Variants in CERS6 observed in about 807,000 individuals in gnomAD.
The protein encoded by CERS6 is ceramide synthase 6, also known as LAG1 homolog, ceramide synthase 6.
In CERS6, 26 loss-of-function variants were observed where a neutral mutation model predicts 56.8. The ratio of observed to expected loss-of-function variants is 0.46; its 90% CI spans 0.34 to 0.63. CERS6 has a LOEUF of 0.63. CERS6 is among the 30% of genes least tolerant of loss of function. CERS6 has a pLI of 0.01. For synonymous variants in CERS6, 164 were observed against 173.3 expected, an observed-to-expected ratio of 0.95 and a Z score of 0.42; for missense variants, 415 against 467.5, an observed-to-expected ratio of 0.89 and a Z score of 1.04.
chr2:168,578,614 T>C (rs1683335200), intron 3 of CERS6, among the ~76,000 whole-genome samples: 1 of 152,140 alleles, frequency 6.6e-6, no homozygotes, highest in African/African-American at 2.4e-5. Context: ...TGTATAAAAA[T>C]AAGAGAGAAA....
intron 4 of CERS6, among the ~76,000 whole-genome samples, chr2:168,651,283 C>T (rs976050330): frequency 6.6e-6 from 1 of 152,096 alleles, no homozygotes; most frequent in African/African-American, 2.4e-5. Context: ...TGTTTAGTCA[C>T]TAAAGAAGGA....
At chr2:168,458,445 G>T (rs545492151) in intron 1 of CERS6, among the ~76,000 whole-genome samples, 1 of 152,290 alleles carries the variant, frequency 6.6e-6, no homozygotes, top group African/African-American at 2.4e-5. Context: ...CCTCTAAAAA[G>T]ATAAACACTA....
At chr2:168,596,724 G>A (rs1683808743) in intron 3 of CERS6, among the ~76,000 whole-genome samples, 2 of 151,826 alleles carry the variant, frequency 1.3e-5, no homozygotes, top group Non-Finnish European at 2.9e-5. Flanking sequence ...CGGCAAATTT[G>A]TTGGTGTTTT....
chr2:168,458,207 T>C (rs1693711224), intron 1 of CERS6, among the ~76,000 whole-genome samples: 1 of 152,212 alleles, frequency 6.6e-6, no homozygotes, highest in African/African-American at 2.4e-5. Context: ...AATTGCTGAA[T>C]TATGATAAAT....
At chr2:168,528,928 G>A (rs1695118102) in intron 1 of CERS6, among the ~76,000 whole-genome samples, 2 of 152,190 alleles carry the variant, frequency 1.3e-5, no homozygotes, top group African/African-American at 4.8e-5. Flanking sequence ...AAACGATTGT[G>A]ACAATGAAAT....
chr2:168,653,291 C>T (rs1685390586), intron 4 of CERS6, among the ~76,000 whole-genome samples: 1 of 152,236 alleles, frequency 6.6e-6, no homozygotes, highest in Non-Finnish European at 1.5e-5. Context: ...GGGCTCTCCA[C>T]AGCTACCATT....
chr2:168,577,273 GAGA>G (rs1683297712), intron 3 of CERS6, among the ~76,000 whole-genome samples: 1 of 152,172 alleles, frequency 6.6e-6, no homozygotes, highest in African/African-American at 2.4e-5. Context: ...AGGAGGCCAA[GAGA>G]AGAAGACATT....
At chr2:168,491,307 A>G (rs1186574953) in intron 1 of CERS6, among the ~76,000 whole-genome samples, 1 of 152,238 alleles carries the variant, frequency 6.6e-6, no homozygotes, top group Non-Finnish European at 1.5e-5. Context: ...CTTTGCGCCC[A>G]TGTTTGGCTG....
At chr2:168,571,284 A>G (rs1001318539) in intron 3 of CERS6, among the ~76,000 whole-genome samples, 4 of 151,860 alleles carry the variant, frequency 2.6e-5, no homozygotes, top group South Asian at 2.1e-4. Flanking sequence ...CCTCCTGGCT[A>G]TTCGCCTTGC....
chr2:168,510,846 A>G (rs546613659), intron 1 of CERS6, among the ~76,000 whole-genome samples: 2 of 152,312 alleles, frequency 1.3e-5, no homozygotes, highest in South Asian at 2.1e-4. Flanking sequence ...TAAAATAAAG[A>G]TAAAATTTTA....
At chr2:168,711,767 C>T (rs1404399103) in intron 6 of CERS6, among the ~76,000 whole-genome samples, 1 of 147,694 alleles carries the variant, frequency 6.8e-6, no homozygotes, top group African/African-American at 2.5e-5. Context: ...TAGGAAATTA[C>T]CCCTACCAAA....
chr2:168,594,250 G>A (rs892816245), intron 3 of CERS6, among the ~76,000 whole-genome samples: 3 of 152,122 alleles, frequency 2.0e-5, no homozygotes. Flanking sequence ...ATTACTTGGT[G>A]CTTCTTTGTC....
At chr2:168,740,823 A>G (rs538208642) in intron 8 of CERS6, among the ~76,000 whole-genome samples, 2 of 152,356 alleles carry the variant, frequency 1.3e-5, no homozygotes, top group African/African-American at 2.4e-5. Context: ...ACTTTAAAAC[A>G]AGGTCTAAAT....
chr2:168,749,607 C>T (rs926838096), intron 8 of CERS6, among the ~76,000 whole-genome samples: 8 of 62,924 alleles, frequency 1.3e-4, no homozygotes, highest in African/African-American at 4.7e-4. Context: ...TGAGGCTGCC[C>T]TTCTGCAGCT....
intron 8 of CERS6, among the ~76,000 whole-genome samples, chr2:168,763,587 A>G (rs1374407657): frequency 1.3e-5 from 2 of 152,030 alleles, no homozygotes; most frequent in South Asian, 2.1e-4. Flanking sequence ...TAATTCACAA[A>G]GTACTTTTCT....
At chr2:168,675,124 C>T (rs1447363012) in intron 4 of CERS6, among the ~76,000 whole-genome samples, 3 of 152,026 alleles carry the variant, frequency 2.0e-5, no homozygotes, top group Admixed American at 2.0e-4. Flanking sequence ...CAGGCGCACA[C>T]CACCACACCT....
intron 3 of CERS6, among the ~76,000 whole-genome samples, chr2:168,601,098 A>G (rs1370009972): frequency 3.3e-5 from 5 of 152,194 alleles, no homozygotes; most frequent in Non-Finnish European, 7.3e-5. Flanking sequence ...ATTACACTTC[A>G]GCCTACGCCC....
intron 1 of CERS6, among the ~76,000 whole-genome samples, chr2:168,468,170 C>T (rs1300854908): frequency 1.3e-5 from 2 of 152,166 alleles, no homozygotes; most frequent in Non-Finnish European, 2.9e-5. Context: ...CCACTGAGAG[C>T]CTGGCCTCTG....
chr2:168,457,998 C>G (rs1693705877), intron 1 of CERS6, among the ~76,000 whole-genome samples: 2 of 152,078 alleles, frequency 1.3e-5, no homozygotes, highest in Admixed American at 1.3e-4. Context: ...GTCATTGATC[C>G]TATACAAAAA....
Sources: allele counts gnomAD v4.1 joint callset (sites outside exome capture counted in the v4.1 genomes callset), GRCh38; gene constraint gnomAD v4.1.1; transcripts MANE v1.5; gene names NCBI Gene and HGNC (gene_info 2026-07-23, HGNC 2026-07-21).